CACNA2D2: variants seen among roughly 807,000 people sequenced by gnomAD.
The protein encoded by CACNA2D2 is calcium voltage-gated channel auxiliary subunit alpha2delta 2.
A neutral mutation model predicts 166.4 loss-of-function variants in CACNA2D2; 48 were observed. The observed-to-expected ratio is 0.29, with a 90% CI of 0.23 to 0.37. The LOEUF (loss-of-function observed/expected upper bound fraction) is 0.37. CACNA2D2 is among the 10% of genes least tolerant of loss of function. The probability of loss-of-function intolerance (pLI) is 1.00; values close to 1 mark genes in which losing one functional copy is unlikely to be tolerated. For missense variants in CACNA2D2, 1,122 were observed against 1,433.0 expected, an observed-to-expected ratio of 0.78 and a Z score of 3.50; for synonymous variants, 561 against 573.7, an observed-to-expected ratio of 0.98 and a Z score of 0.32.
At position 50,366,434 on chromosome 3, in the gene CACNA2D2, TC is replaced by T; in HGVS notation, c.2638-97del. 6.9e-7 allele frequency: 1 copy of T among 1,456,236 alleles called. No individual in the cohort carries two copies. Among genetic ancestry groups the T allele is most frequent in the Non-Finnish European group, 9.6e-7 (1 of 1,037,282 alleles). 90.2% of individuals were successfully genotyped at this position (1,456,236 alleles called of 1,614,324 possible). ...GTGGTTCAGAGTTGGGGGGCATCAC[TC>T]CCCCAGTCCTGGGAAGGCTGTGAAG... On this transcript the variant is annotated intron_variant, in intron 30 of 37. Coordinates refer to ENST00000424201, the MANE Select transcript of CACNA2D2 (RefSeq NM_006030.4). This position sits in a 1 kb window ranked among gnomAD's most constrained non-coding sequence, Gnocchi z 5.9.
At position 50,387,317 on chromosome 3, in the gene CACNA2D2, C is replaced by CAAGTTTAG. The variant is rs1559899741; in HGVS notation, c.510+250_510+251insCTAAACTT. On this transcript the variant is annotated intron_variant, in intron 5 of 37. Transcript: ENST00000424201. ...TCTCCATCTGGGACCTAAACTGCCCCGTGCGGGAAGGGCCAAGCGCCTCAC... is the reference window on the plus strand; with the variant it reads ...TCTCCATCTGGGACCTAAACTGCCCCAAGTTTAGGTGCGGGAAGGGCCAAGCGCCTCAC... Among the ~76,000 whole-genome samples, 448 of 152,302 alleles carry CAAGTTTAG rather than the reference C, an allele frequency of 2.9e-3. 3 individuals carry two copies. The highest frequency in any genetic ancestry group is 1.0e-2 in the African/African-American group (415 of 41,566).
chr3:50,422,614 C>T (rs966308001), intron 3 of CACNA2D2, among the ~76,000 whole-genome samples: 1 of 152,238 alleles, frequency 6.6e-6, no homozygotes, highest in Non-Finnish European at 1.5e-5. Context: ...AGGCGATCTG[C>T]ATGCTGACCA....
At chr3:50,377,836 T>C (rs748483499) in intron 15 of CACNA2D2, 33 bp from the exon 16 acceptor site, 18 of 1,581,356 alleles carry the variant, frequency 1.1e-5, no homozygotes, top group Admixed American at 6.8e-5. Flanking sequence ...GAGTCACCTG[T>C]GGCCAGCACT....
In CACNA2D2 at chr3:50,387,588, C is replaced by T. The variant is rs1434730003; in HGVS notation, c.490G>A (p.Ala164Thr). 6 of 1,613,712 alleles carry T rather than the reference C, an allele frequency of 3.7e-6. No homozygotes were observed. The highest frequency in any genetic ancestry group is 5.1e-6 in the Non-Finnish European group (6 of 1,179,760). The stretch of plus-strand genomic sequence containing the variant: ...CTCACCAGCTCAGCGTCAGCCTTGG[C>T]GTCATAGTACACGATGTCTTCCTCC... Reference protein sequence around the residue: ...IKEEDIVYYDAKADAELDDPE... With the variant: ...IKEEDIVYYDTKADAELDDPE... The change falls in exon 5 of 38, where the codon GCC becomes ACC. Residue 164 changes from alanine to threonine, a missense_variant. Ala to Thr is a moderately conservative substitution (Grantham distance 58). Coordinates refer to ENST00000424201, the MANE Select transcript of CACNA2D2 (RefSeq NM_006030.4).
In CACNA2D2 at chr3:50,459,409, G is replaced by A. The variant is rs533370133; in HGVS notation, c.288+16709C>T. Among the ~76,000 whole-genome samples, 13 of 152,174 alleles carry A rather than the reference G, an allele frequency of 8.5e-5. No individual in the cohort carries two copies. In the South Asian group the frequency reaches 2.7e-3, roughly 32 times the overall value. On this transcript the variant is annotated intron_variant, in intron 2 of 37. Coordinates refer to ENST00000424201, the MANE Select transcript of CACNA2D2 (RefSeq NM_006030.4). Reference sequence around the variant, plus strand: ...TTTAAATGCTCACTACTAATCTGCTGGGCCTGGGGACAGGGTCTTCCCAAC... The same window carrying A: ...TTTAAATGCTCACTACTAATCTGCTAGGCCTGGGGACAGGGTCTTCCCAAC...
chr3:50,475,158 T>C (rs1310540146), intron 2 of CACNA2D2, among the ~76,000 whole-genome samples: 2 of 152,088 alleles, frequency 1.3e-5, no homozygotes, highest in African/African-American at 4.8e-5. Context: ...GAGGAAGGGA[T>C]TGAGGACAAC....
chr3:50,465,259 T>C (rs905699496), intron 2 of CACNA2D2, among the ~76,000 whole-genome samples: 18 of 152,224 alleles, frequency 1.2e-4, no homozygotes, highest in Non-Finnish European at 2.9e-5. Flanking sequence ...TTTATATAAA[T>C]GTTCTTTTTA....
At chr3:50,393,849 G>T (rs1285418061) in intron 4 of CACNA2D2, among the ~76,000 whole-genome samples, 1 of 152,178 alleles carries the variant, frequency 6.6e-6, no homozygotes, top group Non-Finnish European at 1.5e-5. Context: ...GGAACACAGG[G>T]AACACTACTT....
intron 3 of CACNA2D2, among the ~76,000 whole-genome samples, chr3:50,404,316 C>T (rs1706587397): frequency 6.6e-6 from 1 of 152,160 alleles, no homozygotes; most frequent in Non-Finnish European, 1.5e-5. Context: ...GTCTGCTCTC[C>T]AGGACCACAA....
intron 3 of CACNA2D2, among the ~76,000 whole-genome samples, chr3:50,418,279 C>G (rs948437804): frequency 6.6e-6 from 1 of 152,176 alleles, no homozygotes; most frequent in Non-Finnish European, 1.5e-5. Flanking sequence ...CTGCCTTACT[C>G]AAAGGGCTTC....
chr3:50,451,193 T>G (rs1240757793), intron 2 of CACNA2D2, among the ~76,000 whole-genome samples: 17 of 152,018 alleles, frequency 1.1e-4, no homozygotes, highest in Non-Finnish European at 4.4e-5. Flanking sequence ...TGGCGCGATC[T>G]CGGCTCATTG....
intron 3 of CACNA2D2, among the ~76,000 whole-genome samples, chr3:50,415,225 C>T (rs894231465): frequency 6.6e-6 from 1 of 152,242 alleles, no homozygotes; most frequent in African/African-American, 2.4e-5. Flanking sequence ...CCAGCCAGGG[C>T]TGGCTCTGCC....
At chr3:50,391,752 C>T (rs1446701049) in intron 4 of CACNA2D2, among the ~76,000 whole-genome samples, 11 of 152,200 alleles carry the variant, frequency 7.2e-5, no homozygotes, top group Non-Finnish European at 7.3e-5. Flanking sequence ...GCATCTGGAC[C>T]TGCTGTGTGC....
At position 50,368,342 on chromosome 3, in the gene CACNA2D2, C is replaced by T. The variant is rs587661803; in HGVS notation, c.2046-107G>A. On this transcript the variant is annotated intron_variant, in intron 23 of 37. Coordinates refer to ENST00000424201, the MANE Select transcript of CACNA2D2 (RefSeq NM_006030.4). ...TGGCCATTCACTGAGAAGCCTGGGC[C>T]TCAGGGAGGGGCACATGGGTTCTTC... 32 of 744,038 alleles carry T rather than the reference C, an allele frequency of 4.3e-5. No homozygotes were observed. The African/African-American group carries it at 5.2e-4, about 12-fold the overall frequency. The allele number at this position is 744,038 out of a possible 1,614,324, so 46.1% of individuals were successfully genotyped here.
rs1327658886 is a variant in CACNA2D2 at position 50,380,170 on chromosome 3, G to GAAAC, written c.843-156_843-153dup. 19 of 746,622 alleles carry GAAAC rather than the reference G, an allele frequency of 2.5e-5. No homozygotes were observed. The highest frequency in any genetic ancestry group is 1.9e-4 in the Admixed American group (9 of 46,638). 46.2% of individuals were successfully genotyped at this position (746,622 alleles called of 1,614,324 possible). A position where few individuals can be genotyped will look rare whatever the true frequency, so the allele number is the denominator to read the frequency against. ...ATGCACCGATGATACCACATTTAAC[G>GAAAC]AAACAGACACAGTCCTTGCCCATGA... On this transcript the variant is annotated intron_variant, in intron 8 of 37. Coordinates refer to ENST00000424201, the MANE Select transcript of CACNA2D2 (RefSeq NM_006030.4). This position sits in a 1 kb window ranked among gnomAD's most constrained non-coding sequence, Gnocchi z 4.9.
chr3:50,451,329 T>C (rs1398881359), intron 2 of CACNA2D2, among the ~76,000 whole-genome samples: 5 of 152,138 alleles, frequency 3.3e-5, no homozygotes, highest in African/African-American at 9.7e-5. Context: ...TTTCACCATA[T>C]TGGCCAGGCT....
rs78999018 is a variant in CACNA2D2 at position 50,463,052 on chromosome 3, G to C, written c.288+13066C>G. ...GGCAGCAGGCGACATCACTACTTCT[G>C]TTTACTCTTATTGCAATGAAGACAG... On this transcript the variant is annotated intron_variant, in intron 2 of 37. Transcript: ENST00000424201. Among the ~76,000 whole-genome samples the C allele has an allele frequency of 8.6e-3, 1,311 of 152,196 alleles. 17 individuals are homozygous for C. The highest frequency in any genetic ancestry group is 0.048 in the East Asian group (251 of 5,176).
At chr3:50,449,724 G>C (rs1709014782) in intron 2 of CACNA2D2, among the ~76,000 whole-genome samples, 1 of 152,224 alleles carries the variant, frequency 6.6e-6, no homozygotes, top group African/African-American at 2.4e-5. Context: ...ACCACACTCA[G>C]AATGACCTTG....
At chr3:50,440,178 GGACACACCAGCCACGAGACTGGGTGTGT>G (rs1708522529) in intron 2 of CACNA2D2, among the ~76,000 whole-genome samples, 1 of 152,182 alleles carries the variant, frequency 6.6e-6, no homozygotes, top group Non-Finnish European at 1.5e-5. Context: ...GCTGCTCTGG[GGACACACCAGCCACGAGACTGGGTGTGT>G]GACTGGCAGC....
Sources: allele counts gnomAD v4.1 joint callset (sites outside exome capture counted in the v4.1 genomes callset), GRCh38; gene constraint gnomAD v4.1.1; non-coding constraint Gnocchi (gnomAD v3.1); transcripts MANE v1.5; gene names NCBI Gene and HGNC (gene_info 2026-07-23, HGNC 2026-07-21).